PCGF5: variants seen among roughly 807,000 people sequenced by gnomAD.
PCGF5 encodes the protein polycomb group ring finger 5.
A neutral mutation model predicts 44.3 loss-of-function variants in PCGF5; 9 were observed. The ratio of observed to expected loss-of-function variants is 0.20; its 90% CI spans 0.12 to 0.35. PCGF5 has a LOEUF of 0.35. Among genes scored for constraint, PCGF5 ranks in the 10% least tolerant of loss-of-function variants. PCGF5 has a pLI of 1.00. For missense variants in PCGF5, 146 were observed against 305.3 expected (o/e 0.48, Z 3.89); for synonymous variants, 95 against 102.5 (o/e 0.93, Z 0.44).
At chr10:91,188,349 T>C (rs953033592) in intron 1 of PCGF5, among the ~76,000 whole-genome samples, 9 of 152,208 alleles carry the variant, frequency 5.9e-5, no homozygotes, top group African/African-American at 2.2e-4. Flanking sequence ...AGATGGATGA[T>C]TCTATTGGCT....
chr10:91,258,325 A>G (rs1845808671), intron 6 of PCGF5, among the ~76,000 whole-genome samples: 1 of 152,198 alleles, frequency 6.6e-6, no homozygotes, highest in African/African-American at 2.4e-5. Flanking sequence ...ATTTCTTGAC[A>G]GATGAAAAAT....
intron 1 of PCGF5, among the ~76,000 whole-genome samples, chr10:91,192,742 A>C (rs555067619): frequency 7.2e-4 from 110 of 152,240 alleles, no homozygotes; most frequent in African/African-American, 2.5e-3. Flanking sequence ...GTGGTGGAAA[A>C]ATTTTAAAAT....
At chr10:91,196,598 C>T (rs1467355916) in intron 1 of PCGF5, among the ~76,000 whole-genome samples, 1 of 152,156 alleles carries the variant, frequency 6.6e-6, no homozygotes, top group African/African-American at 2.4e-5. Flanking sequence ...ATATCCCACC[C>T]CATCCCCCAC....
intron 1 of PCGF5, among the ~76,000 whole-genome samples, chr10:91,176,353 T>C (rs1279352753): frequency 6.6e-6 from 1 of 152,236 alleles, no homozygotes; most frequent in African/African-American, 2.4e-5. Flanking sequence ...ATTTTTTCCT[T>C]CATTTCAAGT....
At chr10:91,254,745 A>G (rs60596674) in intron 6 of PCGF5, among the ~76,000 whole-genome samples, 1,899 of 152,230 alleles carry the variant, frequency 0.012, 48 homozygotes, top group African/African-American at 0.043. Flanking sequence ...TGTCAATAAA[A>G]AGAGTAGAGT....
chr10:91,236,070 C>A (rs953007529), intron 2 of PCGF5, among the ~76,000 whole-genome samples: 1 of 151,886 alleles, frequency 6.6e-6, no homozygotes, highest in African/African-American at 2.4e-5. Flanking sequence ...CAGAGTAAGA[C>A]CCTGTCTTAA....
intron 2 of PCGF5, among the ~76,000 whole-genome samples, chr10:91,233,397 C>T (rs914496241): frequency 6.6e-6 from 1 of 152,036 alleles, no homozygotes; most frequent in Non-Finnish European, 1.5e-5. Context: ...CTGCCTGTTG[C>T]TTTGTCTTAG....
intron 8 of PCGF5, among the ~76,000 whole-genome samples, chr10:91,271,240 A>G (rs1464230033): frequency 6.6e-6 from 1 of 152,076 alleles, no homozygotes; most frequent in East Asian, 1.9e-4. Context: ...TTCCTTGAAC[A>G]GTATTACTTT....
chr10:91,227,346 C>T lies in PCGF5; in HGVS notation c.112+4363C>T, dbSNP rs541276195. The T allele has an allele frequency of 3.8e-5, 43 of 1,124,910 alleles. No individual in the cohort carries two copies. In the South Asian group the frequency reaches 5.2e-4, roughly 13 times the overall value. The allele number at this position is 1,124,910 out of a possible 1,614,324, so 69.7% of individuals were successfully genotyped here. A position where few individuals can be genotyped will look rare whatever the true frequency, so the allele number is the denominator to read the frequency against. On this transcript the variant is annotated intron_variant, in intron 2 of 9. Transcript: ENST00000336126. Reference sequence around the variant, plus strand: ...ACGCTTTTCTTCTTAGCTGCAGAATCCTACTGGATGTCCACTTGGATGTCC... The same window carrying T: ...ACGCTTTTCTTCTTAGCTGCAGAATTCTACTGGATGTCCACTTGGATGTCC...
chr10:91,219,756 A>G (rs1844617662), upstream of PCGF5, among the ~76,000 whole-genome samples: 1 of 152,208 alleles, frequency 6.6e-6, no homozygotes, highest in African/African-American at 2.4e-5. Context: ...TATAAAATGG[A>G]TAGTTTAAAA....
At chr10:91,245,484 T>A (rs1464636635) in intron 3 of PCGF5, among the ~76,000 whole-genome samples, 1 of 151,426 alleles carries the variant, frequency 6.6e-6, no homozygotes, top group Non-Finnish European at 1.5e-5. Flanking sequence ...AGCAAAGAAA[T>A]GGGGTGGGGG....
chr10:91,254,193 C>G (rs949533638), intron 6 of PCGF5, among the ~76,000 whole-genome samples: 8 of 142,298 alleles, frequency 5.6e-5, no homozygotes, highest in Non-Finnish European at 6.1e-5. Flanking sequence ...CTGTCTCTTC[C>G]CCTCCACCTC....
intron 1 of PCGF5, among the ~76,000 whole-genome samples, chr10:91,195,293 A>G (rs903473711): frequency 6.6e-6 from 1 of 152,110 alleles, no homozygotes; most frequent in African/African-American, 2.4e-5. Flanking sequence ...TCAAAAAAAA[A>G]AAAGTCAAAT....
chr10:91,247,627 A>G (rs576422345), intron 3 of PCGF5, among the ~76,000 whole-genome samples: 1 of 152,192 alleles, frequency 6.6e-6, no homozygotes, highest in South Asian at 2.1e-4. Flanking sequence ...GGGATTGAAG[A>G]CAAAAGGCCA....
chr10:91,168,800 T>C (rs1843548704), intron 1 of PCGF5, among the ~76,000 whole-genome samples: 2 of 151,726 alleles, frequency 1.3e-5, no homozygotes, highest in Admixed American at 6.6e-5. Context: ...TGGTGGTGTG[T>C]GTCTGTAATC....
At chr10:91,261,997 G>C (rs1301597150) in intron 7 of PCGF5, among the ~76,000 whole-genome samples, 1 of 152,196 alleles carries the variant, frequency 6.6e-6, no homozygotes, top group Non-Finnish European at 1.5e-5. Context: ...TCCATGTTTA[G>C]AGAATGTTTT....
chr10:91,184,722 T>C (rs1843886455), intron 1 of PCGF5, among the ~76,000 whole-genome samples: 2 of 151,728 alleles, frequency 1.3e-5, no homozygotes, highest in African/African-American at 2.4e-5. Context: ...GGTTGCTGTT[T>C]TGTTTTTTTT....
chr10:91,252,747 C>T (rs1344533916), intron 6 of PCGF5, among the ~76,000 whole-genome samples: 1 of 152,040 alleles, frequency 6.6e-6, no homozygotes, highest in Non-Finnish European at 1.5e-5. Context: ...TGAGTTAGCT[C>T]ATACTGAAAG....
At chr10:91,212,931 G>T (rs1483211371) in intron 1 of PCGF5, among the ~76,000 whole-genome samples, 3 of 152,056 alleles carry the variant, frequency 2.0e-5, no homozygotes, top group African/African-American at 7.2e-5. Flanking sequence ...ATGAAAAATT[G>T]TACAGCATAT....
Sources: allele counts gnomAD v4.1 joint callset (sites outside exome capture counted in the v4.1 genomes callset), GRCh38; gene constraint gnomAD v4.1.1; transcripts MANE v1.5; gene names NCBI Gene and HGNC (gene_info 2026-07-23, HGNC 2026-07-21).